Variants in SOX30 observed in about 807,000 individuals in gnomAD.
The protein encoded by SOX30 is SRY-box transcription factor 30.
SOX30 carries 17 observed loss-of-function variants against 58.6 expected under a neutral mutation model. That is an observed-to-expected ratio of 0.29 (90% CI 0.20 to 0.44). SOX30 has a LOEUF of 0.44. SOX30 is among the 20% of genes least tolerant of loss of function. The pLI, the probability that SOX30 is intolerant of heterozygous loss-of-function variation, is 1.00. For missense variants in SOX30, 951 were observed against 965.8 expected (o/e 0.98, Z 0.20); for synonymous variants, 421 against 400.2 (o/e 1.05, Z -0.62).
At chr5:157,640,605 A>C (rs898941959) in intron 3 of SOX30, among the ~76,000 whole-genome samples, 6 of 152,078 alleles carry the variant, frequency 3.9e-5, no homozygotes, top group Non-Finnish European at 8.8e-5. Context: ...ATTCCACCAC[A>C]AATCTTACTC....
chr5:157,630,966 A>G lies in SOX30; in HGVS notation c.1881-4245T>C, dbSNP rs959421357. ...TACTATATATATTGTATATATATAC[A>G]CTATATATTTTTATATATATACTAT... On this transcript the variant is annotated intron_variant, in intron 4 of 4. Transcript: ENST00000265007. Among the ~76,000 whole-genome samples, 3 of 134,390 alleles carry G rather than the reference A, an allele frequency of 2.2e-5. No homozygotes were observed. The East Asian group carries it at 6.0e-4, about 27-fold the overall frequency. 88.2% of individuals were successfully genotyped at this position (134,390 alleles called of 152,430 possible).
In SOX30 at chr5:157,638,719, T is replaced by C; in HGVS notation, c.1391A>G (p.Glu464Gly). The C allele has an allele frequency of 6.3e-7, 1 of 1,593,576 alleles. No individual in the cohort carries two copies. The highest frequency in any genetic ancestry group is 8.5e-7 in the Non-Finnish European group (1 of 1,170,540). The change falls in exon 4 of 5, where the codon GAA becomes GGA. Residue 464 changes from glutamate (E) to glycine (G), a missense_variant. Glu to Gly is a moderately conservative substitution (Grantham distance 98). Around this residue, in one of 7 missense-constraint regions of SOX30, gnomAD observed 381 missense variants for 390.0 expected, o/e 0.98. Transcript: ENST00000265007. ...GGGCAGCTGGATAGCAGGTGAGGTTTCACCTTTAGAAATAAAAATAGCATA... is the reference window on the plus strand; with the variant it reads ...GGGCAGCTGGATAGCAGGTGAGGTTCCACCTTTAGAAATAAAAATAGCATA... ...LQNPITHPVG[E>G]TSPAIQLPTP...
At chr5:157,650,886 C>G (rs531197412) in intron 1 of SOX30, among the ~76,000 whole-genome samples, 1 of 152,100 alleles carries the variant, frequency 6.6e-6, no homozygotes, top group Middle Eastern at 3.2e-3. Flanking sequence ...AAATACTGGG[C>G]CTTAAAATCG....
chr5:157,627,600 T>C (rs1400034910), intron 4 of SOX30, among the ~76,000 whole-genome samples: 3 of 152,196 alleles, frequency 2.0e-5, no homozygotes, highest in African/African-American at 4.8e-5. Flanking sequence ...CTAGAAAGAT[T>C]TGAAACTGAT....
At chr5:157,650,999 A>T in intron 1 of SOX30, 113 bp downstream of exon 1, 1 of 803,932 alleles carries the variant, frequency 1.2e-6, no homozygotes, top group Non-Finnish European at 2.0e-6. Context: ...TGCCCTGAAA[A>T]CAATCAGTTC....
intron 2 of SOX30, among the ~76,000 whole-genome samples, chr5:157,661,092 T>A (rs1016668421): frequency 6.6e-6 from 1 of 152,238 alleles, no homozygotes; most frequent in Non-Finnish European, 1.5e-5. Context: ...AAATTTCCTT[T>A]GCAGTTGGTT....
chr5:157,665,610 T>C (rs1266767124), intron 2 of SOX30, among the ~76,000 whole-genome samples: 1 of 147,854 alleles, frequency 6.8e-6, no homozygotes, highest in Non-Finnish European at 1.5e-5. Flanking sequence ...AAAAATAAAA[T>C]AAAATAAAAT....
intron 2 of SOX30, among the ~76,000 whole-genome samples, chr5:157,664,671 G>A (rs1304716435): frequency 8.5e-5 from 13 of 152,074 alleles, no homozygotes; most frequent in South Asian, 2.1e-4. Flanking sequence ...GGCAACCTAC[G>A]GAATGGGAGA....
In SOX30 at chr5:157,625,840, T is replaced by C. The variant is rs1758635128; in HGVS notation, c.*500A>G. The C allele has an allele frequency of 6.5e-6, 1 of 152,694 alleles. No individual in the cohort carries two copies. The highest frequency in any genetic ancestry group is 1.5e-5 in the Non-Finnish European group (1 of 68,094). 9.5% of individuals were successfully genotyped at this position (152,694 alleles called of 1,614,324 possible). On this transcript the variant is annotated 3_prime_UTR_variant, in exon 5 of 5. Coordinates refer to ENST00000265007, the MANE Select transcript of SOX30 (RefSeq NM_178424.2). ...AAACACATTTGGAACTTATAATTGG[T>C]TATTAGTGTAAGTTAAATTTAGCAA...
intron 4 of SOX30, among the ~76,000 whole-genome samples, chr5:157,631,038 A>ATATATTTTTTATATATATAC: frequency 1.5e-5 from 1 of 66,430 alleles, no homozygotes; most frequent in Non-Finnish European, 2.7e-5. Flanking sequence ...TATATACAAT[A>ATATATTTTTTATATATATAC]TATATATTTT....
chr5:157,655,670 C>G (rs140938935), upstream of SOX30, among the ~76,000 whole-genome samples: 22 of 152,220 alleles, frequency 1.4e-4, no homozygotes, highest in East Asian at 4.3e-3. Flanking sequence ...TCTTCACTGT[C>G]GCTGCAGTGG....
In SOX30 at chr5:157,626,367, TTCC is replaced by T. The variant is rs751357357; in HGVS notation, c.2232_2234del (p.Glu747del). ...ATAAATCCCTGAGCACTTTTTCTTC[TTCC>T]TCCTCATCACTGTCGGTGACATTGA... On this transcript the variant is annotated inframe_deletion, in exon 5 of 5. Coordinates refer to ENST00000265007, the MANE Select transcript of SOX30 (RefSeq NM_178424.2). 8 of 1,611,046 alleles carry T rather than the reference TTCC, an allele frequency of 5.0e-6. No homozygotes were observed. In the Admixed American group the frequency reaches 5.0e-5, roughly 10 times the overall value.
intron 4 of SOX30, among the ~76,000 whole-genome samples, chr5:157,628,622 T>G (rs1370698883): frequency 6.6e-6 from 1 of 151,554 alleles, no homozygotes; most frequent in Non-Finnish European, 1.5e-5. Context: ...TTAATACACA[T>G]GTCCTGAATA....
intron 4 of SOX30, among the ~76,000 whole-genome samples, chr5:157,629,504 C>T (rs548029346): frequency 2.0e-5 from 3 of 152,170 alleles, no homozygotes; most frequent in African/African-American, 7.2e-5. Flanking sequence ...AAGACGAGTT[C>T]GTGTTATATT....
At chr5:157,634,126 T>G (rs1348696988) in intron 4 of SOX30, among the ~76,000 whole-genome samples, 1 of 152,206 alleles carries the variant, frequency 6.6e-6, no homozygotes, top group African/African-American at 2.4e-5. Context: ...TCCATCTGTT[T>G]TGTAAAATGA....
chr5:157,663,434 G>C (rs1318133838), intron 2 of SOX30, among the ~76,000 whole-genome samples: 1 of 152,086 alleles, frequency 6.6e-6, no homozygotes, highest in African/African-American at 2.4e-5. Flanking sequence ...AATAAATTTG[G>C]TATTGATGGG....
chr5:157,655,054 T>G (rs1488747363), upstream of SOX30, among the ~76,000 whole-genome samples: 1 of 152,330 alleles, frequency 6.6e-6, no homozygotes, highest in East Asian at 1.9e-4. Context: ...CCAAGAACCC[T>G]CTTTTGGGGT....
intron 4 of SOX30, among the ~76,000 whole-genome samples, chr5:157,629,383 G>A (rs984394846): frequency 5.3e-5 from 8 of 152,134 alleles, no homozygotes; most frequent in Middle Eastern, 3.2e-3. Context: ...TAGGCAAGAC[G>A]CTATGTAAGG....
Position 157,651,448 on chromosome 5 carries a change from C to T in SOX30, c.631G>A (p.Val211Met), listed in dbSNP as rs562839509. The T allele has an allele frequency of 5.6e-6, 9 of 1,613,494 alleles. No individual in the cohort carries two copies. In the South Asian group the frequency reaches 8.8e-5, roughly 16 times the overall value. Residue 211 changes from valine (V) to methionine (M), a missense_variant, in exon 1 of 5, where the codon GTG becomes ATG. This residue lies in a region of SOX30 where 363 missense variants were observed against 294.5 expected (regional missense o/e 1.23). Coordinates refer to ENST00000265007, the MANE Select transcript of SOX30 (RefSeq NM_178424.2). ...GKSPAAIREG[V>M]IKTEEPERLL... ...CTCTCGGGTTCCTCCGTTTTGATCA[C>T]ACCTTCTCGGATGGCTGCCGGGCTT...
Sources: allele counts gnomAD v4.1 joint callset (sites outside exome capture counted in the v4.1 genomes callset), GRCh38; gene constraint gnomAD v4.1.1; regional missense constraint gnomAD v4.1.1; transcripts MANE v1.5; gene names NCBI Gene and HGNC (gene_info 2026-07-23, HGNC 2026-07-21).